Variants in ATF7 observed in about 807,000 individuals in gnomAD.
ATF7 encodes cyclic AMP-dependent transcription factor ATF-7.
A neutral mutation model predicts 50.4 loss-of-function variants in ATF7; 10 were observed. That is an observed-to-expected ratio of 0.20 (90% CI 0.12 to 0.34). The LOEUF (loss-of-function observed/expected upper bound fraction) is 0.34. Among genes scored for constraint, ATF7 ranks in the 10% least tolerant of loss-of-function variants. The pLI is 1.00. For synonymous variants in ATF7, 201 were observed against 226.4 expected (o/e 0.89, Z 1.01); for missense variants, 465 against 613.9 (o/e 0.76, Z 2.56).
chr12:53,521,498 G>GC (rs1285399770), intron 11 of ATF7, among the ~76,000 whole-genome samples: 21 of 152,248 alleles, frequency 1.4e-4, no homozygotes, highest in South Asian at 8.3e-4. Context: ...TTGCATCTTT[G>GC]CAGTTGCTGA....
In ATF7 at chr12:53,597,909, A is replaced by G. The variant is rs141469261; in HGVS notation, c.48+3044T>C. 3.0e-4 allele frequency among the ~76,000 whole-genome samples: 46 copies of G among 152,202 alleles called. 1 individual carries two copies. Among genetic ancestry groups the G allele is most frequent in the African/African-American group, 1.1e-3 (45 of 41,528 alleles). ...TGCTTTTTGAGACTTCTATGGTAGC[A>G]GGTTCTAAACCACGTCTTGCAAAAA... is the stretch of plus-strand genomic sequence containing the variant. On this transcript the variant is annotated intron_variant, in intron 2 of 11. Coordinates refer to ENST00000420353, the MANE Select transcript of ATF7 (RefSeq NM_006856.3).
chr12:53,516,981 T>C lies in ATF7; in HGVS notation c.*156A>G. On this transcript the variant is annotated 3_prime_UTR_variant, in exon 12 of 12. Transcript: ENST00000420353. ...CAGGTGTCAAACGTACATGACCACA[T>C]GGCTAAAAAGCCCCATATCTGTCCA... 1 of 826,136 alleles carries C rather than the reference T, an allele frequency of 1.2e-6. No individual in the cohort carries two copies. Among genetic ancestry groups the C allele is most frequent in the South Asian group, 1.7e-5 (1 of 60,014 alleles). The allele number at this position is 826,136 out of a possible 1,614,324, so 51.2% of individuals were successfully genotyped here.
At chr12:53,599,502 C>T (rs1390341591) in intron 2 of ATF7, among the ~76,000 whole-genome samples, 1 of 151,074 alleles carries the variant, frequency 6.6e-6, no homozygotes, top group African/African-American at 2.4e-5. Flanking sequence ...CATGGGGAAA[C>T]ATGTAGTAAA....
intron 2 of ATF7, among the ~76,000 whole-genome samples, chr12:53,553,161 G>A (rs1431138635): frequency 6.6e-6 from 1 of 152,190 alleles, no homozygotes; most frequent in Non-Finnish European, 1.5e-5. Flanking sequence ...TGCTGCAGCA[G>A]GCGCCTGCAT....
intron 2 of ATF7, among the ~76,000 whole-genome samples, chr12:53,593,860 G>A (rs1943045695): frequency 6.6e-6 from 1 of 152,178 alleles, no homozygotes; most frequent in Admixed American, 6.5e-5. Context: ...ATACAGCACT[G>A]TAGATGTACA....
chr12:53,576,795 CTG>C (rs768829142), intron 2 of ATF7, among the ~76,000 whole-genome samples: 9 of 152,178 alleles, frequency 5.9e-5, no homozygotes, highest in Non-Finnish European at 8.8e-5. Context: ...TGGCTCATGA[CTG>C]TAACCCCGGC....
chr12:53,569,121 A>G (rs1330935716), intron 2 of ATF7, among the ~76,000 whole-genome samples: 1 of 152,148 alleles, frequency 6.6e-6, no homozygotes. Context: ...GCAGTAAGCT[A>G]TGATTGTGCC....
At chr12:53,533,674 AAAG>A (rs1939039204) in intron 6 of ATF7, among the ~76,000 whole-genome samples, 1 of 152,156 alleles carries the variant, frequency 6.6e-6, no homozygotes, top group South Asian at 2.1e-4. Flanking sequence ...CCTGCCTCAA[AAAG>A]AAGTTGTCCC....
intron 1 of ATF7, among the ~76,000 whole-genome samples, chr12:53,621,504 C>T (rs945587109): frequency 3.9e-5 from 6 of 151,958 alleles, no homozygotes; most frequent in African/African-American, 2.4e-5. Context: ...ACTACATGGC[C>T]GGCGCGGTGG....
chr12:53,529,914 T>C (rs1938762952), intron 9 of ATF7, among the ~76,000 whole-genome samples: 1 of 151,412 alleles, frequency 6.6e-6, no homozygotes, highest in Non-Finnish European at 1.5e-5. Context: ...CTAATCTTTG[T>C]ATTTTTTTTA....
intron 1 of ATF7, among the ~76,000 whole-genome samples, 187 bp from the exon 2 acceptor site, chr12:53,601,208 T>C (rs750961617): frequency 2.6e-5 from 4 of 152,234 alleles, no homozygotes; most frequent in Non-Finnish European, 5.9e-5. Context: ...GTGTCTCAAC[T>C]GAAACTTTTA....
At chr12:53,530,861 G>A (rs1026161094) in intron 9 of ATF7, among the ~76,000 whole-genome samples, 2 of 151,804 alleles carry the variant, frequency 1.3e-5, no homozygotes, top group Non-Finnish European at 2.9e-5. Flanking sequence ...CGCCTGCCTC[G>A]GCCTCCCAAA....
At chr12:53,625,146 C>A (rs1242295296) in intron 1 of ATF7, among the ~76,000 whole-genome samples, 1 of 152,118 alleles carries the variant, frequency 6.6e-6, no homozygotes, top group Admixed American at 6.6e-5. Flanking sequence ...AGGAGGTGCC[C>A]TGGGTTGTAA....
intron 11 of ATF7, 140 bp downstream of exon 11, chr12:53,523,136 T>A (rs1162056198): frequency 3.2e-6 from 2 of 622,920 alleles, no homozygotes; most frequent in Non-Finnish European, 5.7e-6. Context: ...TAGGTCTGGT[T>A]GCTCCACAAG....
chr12:53,562,648 A>AT (rs397957266), intron 2 of ATF7, among the ~76,000 whole-genome samples: 2 of 144,780 alleles, frequency 1.4e-5, no homozygotes, highest in Admixed American at 6.9e-5. Flanking sequence ...AAAAAAAAAA[A>AT]TTTTTTTTTG....
chr12:53,612,861 G>A (rs1943953575), intron 1 of ATF7, among the ~76,000 whole-genome samples: 1 of 152,052 alleles, frequency 6.6e-6, no homozygotes, highest in Admixed American at 6.6e-5. Flanking sequence ...AAAATTAGTT[G>A]GGCATGGTAG....
At chr12:53,546,673 C>T (rs1341906797) in intron 3 of ATF7, among the ~76,000 whole-genome samples, 1 of 151,788 alleles carries the variant, frequency 6.6e-6, no homozygotes, top group Non-Finnish European at 1.5e-5. Flanking sequence ...TGGTCTCAAA[C>T]TCCTGACCTC....
intron 3 of ATF7, among the ~76,000 whole-genome samples, chr12:53,549,051 C>T (rs1214481156): frequency 1.3e-5 from 2 of 152,026 alleles, no homozygotes; most frequent in African/African-American, 4.8e-5. Flanking sequence ...CTTTGGGAGG[C>T]TAAGGCAGGC....
At chr12:53,603,194 T>C (rs564933245) in intron 1 of ATF7, among the ~76,000 whole-genome samples, 81 of 152,202 alleles carry the variant, frequency 5.3e-4, no homozygotes, top group African/African-American at 1.8e-3. Context: ...AGGGAAAGAG[T>C]TCTTGCTGAG....
Sources: gnomAD v4.1 joint callset for allele counts (sites outside exome capture counted in the v4.1 genomes callset) on GRCh38, gnomAD v4.1.1 for gene constraint, MANE v1.5 for transcripts, NCBI Gene and HGNC (gene_info 2026-07-23, HGNC 2026-07-21) for gene names.